The following PRKCB variants were observed in gnomAD, a reference collection of about 807,000 sequenced individuals.
PRKCB encodes the protein protein kinase C beta.
A neutral mutation model predicts 81.5 loss-of-function variants in PRKCB; 13 were observed. That is an observed-to-expected ratio of 0.16 (90% CI 0.10 to 0.25). The LOEUF (loss-of-function observed/expected upper bound fraction) is 0.25. Ranked by LOEUF, PRKCB falls within the 10% of genes least tolerant of loss-of-function variation. The pLI, the probability that PRKCB is intolerant of heterozygous loss-of-function variation, is 1.00. For synonymous variants in PRKCB, 335 were observed against 321.4 expected, an observed-to-expected ratio of 1.04 and a Z score of -0.45; for missense variants, 509 against 875.7, an observed-to-expected ratio of 0.58 and a Z score of 5.29.
chr16:24,097,008 T>C (rs1966453394), intron 7 of PRKCB, among the ~76,000 whole-genome samples: 1 of 150,756 alleles, frequency 6.6e-6, no homozygotes, highest in African/African-American at 2.4e-5. Flanking sequence ...CTTCCTTGTC[T>C]TGGCTCCATG....
intron 8 of PRKCB, among the ~76,000 whole-genome samples, chr16:24,121,942 T>C (rs1286651578): frequency 1.3e-5 from 2 of 152,200 alleles, no homozygotes; most frequent in Non-Finnish European, 2.9e-5. Flanking sequence ...CTCTGTGCCA[T>C]ACTCCTCTAG....
chr16:24,112,839 AAAACAAACC>A, intron 7 of PRKCB, 125 bp from the exon 8 acceptor site: 2 of 532,210 alleles, frequency 3.8e-6, no homozygotes, highest in Middle Eastern at 5.1e-4. Context: ...AAAACAAACC[AAAACAAACC>A]AAAAAACCCT....
At chr16:23,905,042 CTTTTTTTT>C (rs1227867693) in intron 2 of PRKCB, among the ~76,000 whole-genome samples, 14 of 110,238 alleles carry the variant, frequency 1.3e-4, no homozygotes, top group South Asian at 3.0e-4. Context: ...CTTTTTTTTT[CTTTTTTTT>C]TTTTTTAATA....
At chr16:23,839,335 A>G (rs978231150) in intron 2 of PRKCB, among the ~76,000 whole-genome samples, 1 of 139,036 alleles carries the variant, frequency 7.2e-6, no homozygotes, top group Non-Finnish European at 1.5e-5. Context: ...GTACAGTGGT[A>G]TGATCAGAGC....
chr16:23,981,915 C>G (rs1596497129), intron 2 of PRKCB, among the ~76,000 whole-genome samples: 1 of 63,650 alleles, frequency 1.6e-5, no homozygotes, highest in Non-Finnish European at 3.3e-5. Flanking sequence ...CTTCCCCTTC[C>G]CCTTCCCTTC....
intron 2 of PRKCB, among the ~76,000 whole-genome samples, chr16:23,982,268 TTCCCTTTCCCTTCTCC>T (rs1964746151): frequency 1.5e-5 from 1 of 66,158 alleles, no homozygotes; most frequent in Non-Finnish European, 2.8e-5. Context: ...TTCCCTTCCC[TTCCCTTTCCCTTCTCC>T]TTCCCTTCCC....
At chr16:24,039,934 A>G (rs1197386670) in intron 5 of PRKCB, among the ~76,000 whole-genome samples, 1 of 152,198 alleles carries the variant, frequency 6.6e-6, no homozygotes, top group Non-Finnish European at 1.5e-5. Flanking sequence ...CCTTCCCAGC[A>G]GTGCCAGGCC....
At chr16:24,090,927 G>C (rs1966368798) in intron 5 of PRKCB, among the ~76,000 whole-genome samples, 1 of 152,038 alleles carries the variant, frequency 6.6e-6, no homozygotes, top group African/African-American at 2.4e-5. Flanking sequence ...TTGTTATCTT[G>C]AGTTTACAAA....
chr16:24,188,032 G>A (rs188784698), intron 15 of PRKCB, among the ~76,000 whole-genome samples: 5 of 152,340 alleles, frequency 3.3e-5, no homozygotes, highest in East Asian at 1.9e-4. Context: ...CCCTTCACAC[G>A]CCCGCCCTGC....
intron 7 of PRKCB, among the ~76,000 whole-genome samples, chr16:24,097,075 C>T (rs1159700416): frequency 5.2e-5 from 6 of 116,306 alleles, no homozygotes; most frequent in East Asian, 5.2e-4. Context: ...CTTGCTCTGT[C>T]ACCCAGGCTG....
intron 6 of PRKCB, among the ~76,000 whole-genome samples, chr16:24,093,206 C>G (rs1176672683): frequency 3.3e-5 from 5 of 152,000 alleles, no homozygotes; most frequent in African/African-American, 7.3e-5. Flanking sequence ...GTGGGTAGGA[C>G]AGGAAATGGT....
chr16:23,901,055 G>A (rs1340883744), intron 2 of PRKCB, among the ~76,000 whole-genome samples: 3 of 151,958 alleles, frequency 2.0e-5, no homozygotes, highest in Non-Finnish European at 4.4e-5. Flanking sequence ...GGTCACTTCT[G>A]TCTCTCCCCC....
chr16:23,996,284 G>A (rs1252410504), intron 3 of PRKCB, among the ~76,000 whole-genome samples: 2 of 152,162 alleles, frequency 1.3e-5, no homozygotes, highest in Admixed American at 6.5e-5. Flanking sequence ...ATACCAGGCA[G>A]CCTCTTTCCC....
chr16:24,049,056 T>TGTTTTG (rs1414763457), intron 5 of PRKCB, among the ~76,000 whole-genome samples: 1 of 135,526 alleles, frequency 7.4e-6, no homozygotes, highest in African/African-American at 2.9e-5. Context: ...TGTTTTTTTT[T>TGTTTTG]TTTTTTTTTT....
At chr16:24,086,040 G>A (rs1233599157) in intron 5 of PRKCB, among the ~76,000 whole-genome samples, 1 of 152,106 alleles carries the variant, frequency 6.6e-6, no homozygotes, top group African/African-American at 2.4e-5. Context: ...CACGTTTGCT[G>A]GTTTTGTAAT....
rs563808897 is a variant in PRKCB, at chr16:24,020,783, G to T, written c.289-11353G>T. On this transcript the variant is annotated intron_variant, in intron 3 of 16. Transcript: ENST00000643927. The stretch of plus-strand genomic sequence containing the variant: ...TCAGGAGCTTTCATAGCTTGTAAAT[G>T]TCCAGGGATGACACAGTCTGAACTT... Among the ~76,000 whole-genome samples, 492 of 152,224 alleles carry T rather than the reference G, an allele frequency of 3.2e-3. 1 individual carries two copies. The highest frequency in any genetic ancestry group is 0.011 in the African/African-American group (472 of 41,532).
At chr16:24,128,483 T>G (rs984607160) in intron 9 of PRKCB, among the ~76,000 whole-genome samples, 1 of 152,206 alleles carries the variant, frequency 6.6e-6, no homozygotes, top group South Asian at 2.1e-4. Context: ...GAAGCAATGG[T>G]GAAGGACATT....
intron 9 of PRKCB, among the ~76,000 whole-genome samples, chr16:24,128,942 A>G (rs1045603234): frequency 6.6e-6 from 1 of 152,186 alleles, no homozygotes; most frequent in African/African-American, 2.4e-5. Flanking sequence ...TATGCTGCAT[A>G]TATATAAATT....
intron 2 of PRKCB, among the ~76,000 whole-genome samples, chr16:23,867,571 T>C (rs947641345): frequency 6.6e-6 from 1 of 152,270 alleles, no homozygotes; most frequent in African/African-American, 2.4e-5. Flanking sequence ...CACTGATCCT[T>C]TGCTCGTTGT....
Sources: gnomAD v4.1 joint callset for allele counts (sites outside exome capture counted in the v4.1 genomes callset) on GRCh38, gnomAD v4.1.1 for gene constraint, MANE v1.5 for transcripts, NCBI Gene and HGNC (gene_info 2026-07-23, HGNC 2026-07-21) for gene names.